The following PRKAB2 variants were observed in gnomAD, a reference collection of about 807,000 sequenced individuals.
PRKAB2 encodes the protein 5'-AMP-activated protein kinase subunit beta-2.
PRKAB2 carries 18 observed loss-of-function variants against 29.8 expected under a neutral mutation model. The observed-to-expected ratio is 0.60, with a 90% confidence interval of 0.42 to 0.89. The LOEUF (loss-of-function observed/expected upper bound fraction) is 0.89. Ranked by LOEUF, PRKAB2 falls within the 40% of genes least tolerant of loss-of-function variation. The pLI is 0.00. For missense variants in PRKAB2, 270 were observed against 344.3 expected, an observed-to-expected ratio of 0.78 and a Z score of 1.71; for synonymous variants, 136 against 125.9, an observed-to-expected ratio of 1.08 and a Z score of -0.54.
chr1:147,171,999 G>C lies in PRKAB2; in HGVS notation c.146C>G (p.Pro49Arg), dbSNP rs1437063769. The change falls in exon 2 of 8, where the codon CCT (proline) becomes CGT (arginine). Residue 49 changes from proline (P) to arginine (R), a missense_variant. Physicochemically the swap from Pro to Arg is moderately radical, Grantham distance 103. Around this residue, in one of 2 missense-constraint regions of PRKAB2, gnomAD observed 228 missense variants for 255.5 expected, o/e 0.89. Coordinates refer to ENST00000254101, the MANE Select transcript of PRKAB2 (RefSeq NM_005399.5). The stretch of plus-strand genomic sequence containing the variant: ...GCATGGGACGCTTACCTTGGAGTCA[G>C]GGAGGCTGAACACGCTGGGGTCGTC... ...STDDPSVFSL[P>R]DSKLPGDKEF... The C allele has an allele frequency of 1.9e-6, 3 of 1,601,532 alleles. No homozygotes were observed. Among genetic ancestry groups the C allele is most frequent in the Non-Finnish European group, 2.6e-6 (3 of 1,174,876 alleles).
At chr1:147,171,879 A>T in intron 2 of PRKAB2, 110 bp downstream of exon 2, 2 of 1,409,646 alleles carry the variant, frequency 1.4e-6, no homozygotes, top group South Asian at 2.6e-5. Flanking sequence ...CTTTAATTCA[A>T]AAAACCATAG....
Position 147,158,759 on chromosome 1 carries a change from T to C in PRKAB2, c.*806A>G, listed in dbSNP as rs1253895545. On this transcript the variant is annotated 3_prime_UTR_variant, in exon 8 of 8. Transcript: ENST00000254101. ...CCTTGGCACCAAACTAAAACAAAAA[T>C]GTAGGTGTTCTGCATTCTGCCTTTC... 1 of 152,100 alleles carries C rather than the reference T, an allele frequency of 6.6e-6. No homozygotes were observed. Among genetic ancestry groups the C allele is most frequent in the Non-Finnish European group, 1.5e-5 (1 of 68,002 alleles). The allele number at this position is 152,100 out of a possible 1,614,324, so 9.4% of individuals were successfully genotyped here. A position where few individuals can be genotyped will look rare whatever the true frequency, so the allele number is the denominator to read the frequency against.
At chr1:147,170,665 C>T (rs587746587) in intron 2 of PRKAB2, among the ~76,000 whole-genome samples, 5 of 152,170 alleles carry the variant, frequency 3.3e-5, no homozygotes, top group Non-Finnish European at 7.4e-5. Flanking sequence ...CTGCAACCAC[C>T]GCCTCCCGGG....
In PRKAB2 at chr1:147,170,203, T is replaced by G. The variant is rs111528913; in HGVS notation, c.156+1786A>C. On this transcript the variant is annotated intron_variant, in intron 2 of 7. Coordinates refer to ENST00000254101, the MANE Select transcript of PRKAB2 (RefSeq NM_005399.5). ...ATTGAGAACTATAAAATTTTAGACT[T>G]AAATGAGACCTTAGGAATTATCTGA... Among the ~76,000 whole-genome samples, 1,053 of 152,276 alleles carry G rather than the reference T, an allele frequency of 6.9e-3. 9 individuals are homozygous for G. The highest frequency in any genetic ancestry group is 0.018 in the Admixed American group (268 of 15,296).
At chr1:147,165,321 C>T (rs190661496) in intron 5 of PRKAB2, among the ~76,000 whole-genome samples, 3 of 152,318 alleles carry the variant, frequency 2.0e-5, no homozygotes, top group Admixed American at 2.0e-4. Context: ...CCAGTGTGCC[C>T]AGCCAATAAT....
intron 5 of PRKAB2, among the ~76,000 whole-genome samples, chr1:147,165,552 G>A (rs587668630): frequency 7.9e-5 from 12 of 152,218 alleles, no homozygotes; most frequent in African/African-American, 2.6e-4. Context: ...GTGCTCACTG[G>A]GAATACTGTG....
intron 5 of PRKAB2, 97 bp from the exon 6 acceptor site, chr1:147,162,670 T>A: frequency 7.9e-7 from 1 of 1,270,968 alleles, no homozygotes; most frequent in Non-Finnish European, 1.1e-6. Context: ...TTAAATATGG[T>A]AGAAGTCCTG....
At chr1:147,167,682 GA>G (rs1385726849) in intron 3 of PRKAB2, 84 bp downstream of exon 3, 34 of 1,481,962 alleles carry the variant, frequency 2.3e-5, no homozygotes, top group Non-Finnish European at 2.9e-5. Context: ...AGTAGGTGGA[GA>G]AAAGTCCAGC....
At chr1:147,172,239 C>T in intron 1 of PRKAB2, 72 bp from the exon 2 acceptor site, 1 of 1,432,520 alleles carries the variant, frequency 7.0e-7, no homozygotes, top group Non-Finnish European at 9.1e-7. Flanking sequence ...GGCCCCGCCC[C>T]TGCGCCTCGG....
chr1:147,169,825 G>A (rs1278714080), intron 2 of PRKAB2, among the ~76,000 whole-genome samples: 1 of 152,152 alleles, frequency 6.6e-6, no homozygotes, highest in Non-Finnish European at 1.5e-5. Flanking sequence ...AAAGAAATCT[G>A]AGGTGATTCT....
At position 147,166,573 on chromosome 1, in the gene PRKAB2, C is replaced by A; in HGVS notation, c.463G>T (p.Val155Phe). 1 of 1,614,114 alleles carries A rather than the reference C, an allele frequency of 6.2e-7. No homozygotes were observed. Among genetic ancestry groups the A allele is most frequent in the South Asian group, 1.1e-5 (1 of 91,082 alleles). ...AACACCTCAAAATCAGATTTCTTGA[C>A]ATGGATCAAATTGTTAATTGTGCCA... is the stretch of plus-strand genomic sequence containing the variant. ...QLGTINNLIH[V>F]KKSDFEVFDA... Residue 155 changes from valine to phenylalanine, a missense_variant, in exon 5 of 8, where the codon GTC (valine) becomes TTC (phenylalanine). Physicochemically the swap from Val to Phe is conservative, Grantham distance 50 (BLOSUM62 -1). Transcript: ENST00000254101.
In PRKAB2 at chr1:147,166,868, T is replaced by C. The variant is rs781895843; in HGVS notation, c.395A>G (p.Gln132Arg). 7 of 1,613,840 alleles carry C rather than the reference T, an allele frequency of 4.3e-6. No homozygotes were observed. The highest frequency in any genetic ancestry group is 2.7e-5 in the African/African-American group (2 of 74,910). ...TACCTCTGATGGATCATGAACCCAC[T>C]GTCCATCCACAAAGAACTTGTATTG... ...EHQYKFFVDGQWVHDPSEPVV... is the reference protein window; with the variant it reads ...EHQYKFFVDGRWVHDPSEPVV... Residue 132 changes from glutamine to arginine, a missense_variant, in exon 4 of 8, where the codon CAG (glutamine) becomes CGG (arginine). Transcript: ENST00000254101.
At chr1:147,166,284 T>C (rs587722289) in intron 5 of PRKAB2, among the ~76,000 whole-genome samples, 3 of 152,262 alleles carry the variant, frequency 2.0e-5, no homozygotes, top group African/African-American at 7.2e-5. Flanking sequence ...AAGGTAAACA[T>C]TGTATCATGA....
At chr1:147,162,704 G>A in intron 5 of PRKAB2, 131 bp from the exon 6 acceptor site, 1 of 948,236 alleles carries the variant, frequency 1.1e-6, no homozygotes, top group African/African-American at 1.7e-5. Context: ...TGACCTGTGG[G>A]ATCTACAGCT....
At position 147,155,557 on chromosome 1, in the gene PRKAB2, G is replaced by A. The variant is rs985492859; in HGVS notation, c.*4008C>T. The A allele has an allele frequency of 1.3e-5, 2 of 152,420 alleles. No homozygotes were observed. Among genetic ancestry groups the A allele is most frequent in the Non-Finnish European group, 2.9e-5 (2 of 67,982 alleles). The allele number at this position is 152,420 out of a possible 1,614,324, so 9.4% of individuals were successfully genotyped here. A position where few individuals can be genotyped will look rare whatever the true frequency, so the allele number is the denominator to read the frequency against. ...GGGTTAGGTAAGTGTTTTGTACAGG[G>A]GAACAGAAAAGAAGTAAGATCATCA... On this transcript the variant is annotated 3_prime_UTR_variant, in exon 8 of 8. Transcript: ENST00000254101.
intron 5 of PRKAB2, among the ~76,000 whole-genome samples, chr1:147,165,150 C>T (rs1175829079): frequency 2.6e-5 from 4 of 152,142 alleles, no homozygotes; most frequent in East Asian, 1.9e-4. Flanking sequence ...CTCAGCCTCC[C>T]GAGTAGCTGG....
At chr1:147,168,277 T>C (rs587701820) in intron 2 of PRKAB2, among the ~76,000 whole-genome samples, 1 of 152,290 alleles carries the variant, frequency 6.6e-6, no homozygotes, top group South Asian at 2.1e-4. Context: ...TATGATATGC[T>C]TCTGAGTCTT....
At chr1:147,168,658 G>C (rs587667317) in intron 2 of PRKAB2, among the ~76,000 whole-genome samples, 1 of 152,176 alleles carries the variant, frequency 6.6e-6, no homozygotes, top group East Asian at 1.9e-4. Context: ...TATCAAATGA[G>C]GTTTATGGGA....
intron 2 of PRKAB2, among the ~76,000 whole-genome samples, chr1:147,171,406 C>T (rs1179752384): frequency 6.6e-6 from 1 of 152,130 alleles, no homozygotes; most frequent in Non-Finnish European, 1.5e-5. Flanking sequence ...ATTAAGCAGT[C>T]AACTAAATGA....
Sources: allele counts gnomAD v4.1 joint callset (sites outside exome capture counted in the v4.1 genomes callset), GRCh38; gene constraint gnomAD v4.1.1; regional missense constraint gnomAD v4.1.1; transcripts MANE v1.5; gene names NCBI Gene and HGNC (gene_info 2026-07-23, HGNC 2026-07-21).